The following FRA10AC1 variants were observed in gnomAD, a reference collection of about 807,000 sequenced individuals.
FRA10AC1 encodes the protein protein FRA10AC1.
Under a neutral mutation model 56.5 loss-of-function variants are expected in FRA10AC1, and 43 were observed. That is an observed-to-expected ratio of 0.76 (90% CI 0.60 to 0.98). The LOEUF is 0.98. Among genes scored for constraint, FRA10AC1 ranks in the 50% least tolerant of loss-of-function variants. The pLI, the probability that FRA10AC1 is intolerant of heterozygous loss-of-function variation, is 0.00. For synonymous variants in FRA10AC1, 112 were observed against 110.5 expected (o/e 1.01, Z -0.09); for missense variants, 346 against 351.8 (o/e 0.98, Z 0.13).
chr10:93,698,341 T>G lies in FRA10AC1; in HGVS notation c.133A>C (p.Lys45Gln). Residue 45 changes from lysine (K) to glutamine (Q), a missense_variant, in exon 3 of 14, where the codon AAG (lysine) becomes CAG (glutamine). Lys to Gln is a moderately conservative substitution (Grantham distance 53, BLOSUM62 1). Transcript: ENST00000359204. ...GCTGCAACTTGTTTATGGGCCACCT[T>G]TCCATGTTTTTCTTTCTGAAATGGT... ...QKPFQKEKHGKVAHKQVAAEL... is the reference protein window; with the variant it reads ...QKPFQKEKHGQVAHKQVAAEL... 1 of 1,612,154 alleles carries G rather than the reference T, an allele frequency of 6.2e-7. No homozygotes were observed. Among genetic ancestry groups the G allele is most frequent in the East Asian group, 2.2e-5 (1 of 44,772 alleles).
In FRA10AC1 at chr10:93,676,724, T is replaced by A. The variant is rs749282352; in HGVS notation, c.788-33A>T. On this transcript the variant is annotated intron_variant, in intron 11 of 13. Coordinates refer to ENST00000359204, the MANE Select transcript of FRA10AC1 (RefSeq NM_145246.5). ...GGAAACATCATTGATTTATTAACTA[T>A]CATCTTGTAATAGTGCAATCATTGT... 2.1e-5 allele frequency: 32 copies of A among 1,547,454 alleles called. No homozygotes were observed. In the South Asian group the frequency reaches 3.7e-4, roughly 18 times the overall value.
In FRA10AC1 at chr10:93,679,916, G is replaced by C. The variant is rs569457381; in HGVS notation, c.787+1564C>G. On this transcript the variant is annotated intron_variant, in intron 11 of 13. Transcript: ENST00000359204. ...GTGACAAATTAAACATAAATAATAA[G>C]GGGAAAGAAAGTATCAAGGATAATC... Among the ~76,000 whole-genome samples, 4 of 152,230 alleles carry C rather than the reference G, an allele frequency of 2.6e-5. No homozygotes were observed. The South Asian group carries it at 8.3e-4, about 32-fold the overall frequency.
At chr10:93,696,285 C>T (rs1343129317) in intron 4 of FRA10AC1, among the ~76,000 whole-genome samples, 2 of 152,174 alleles carry the variant, frequency 1.3e-5, no homozygotes, top group African/African-American at 2.4e-5. Context: ...GAAACACCAA[C>T]AGGCACGGAC....
At chr10:93,699,609 G>C (rs550575934) in intron 2 of FRA10AC1, among the ~76,000 whole-genome samples, 1 of 152,248 alleles carries the variant, frequency 6.6e-6, no homozygotes, top group South Asian at 2.1e-4. Context: ...TCACGTATGC[G>C]TAAGAACTGT....
In FRA10AC1 at chr10:93,670,772, T is replaced by C; in HGVS notation, c.903A>G (p.Ser301=). 1.3e-6 allele frequency: 2 copies of C among 1,597,732 alleles called. No homozygotes were observed. Among genetic ancestry groups the C allele is most frequent in the Non-Finnish European group, 1.7e-6 (2 of 1,165,612 alleles). Residue 301 remains serine (S), a splice_region_variant and synonymous_variant, in exon 13 of 14, where the codon TCA becomes TCG. Transcript: ENST00000359204. ...TCTCTATTAATATCAGCACTTACTG[T>C]GATTTTTCATCTGTCTCTGGTAGTG... ...KGPLPETDEK[S]QEEEFDEYFQ...
chr10:93,672,009 G>A, intron 12 of FRA10AC1: 1 of 429,708 alleles, frequency 2.3e-6, no homozygotes, highest in Middle Eastern at 3.4e-4. Context: ...TAAAAATACT[G>A]CAAAATTATC....
chr10:93,677,128 A>G (rs1359008864), intron 11 of FRA10AC1, among the ~76,000 whole-genome samples: 3 of 152,206 alleles, frequency 2.0e-5, no homozygotes, highest in South Asian at 2.1e-4. Flanking sequence ...TCAGAAACTG[A>G]TAAGAACACA....
At chr10:93,696,855 C>G (rs1216664110) in intron 4 of FRA10AC1, among the ~76,000 whole-genome samples, 12 of 152,156 alleles carry the variant, frequency 7.9e-5, no homozygotes. Context: ...AACACAGGAA[C>G]AGAAAACCAA....
chr10:93,692,519 T>G (rs1193963548), intron 6 of FRA10AC1, 127 bp downstream of exon 6: 1 of 632,142 alleles, frequency 1.6e-6, no homozygotes, highest in Non-Finnish European at 2.7e-6. Flanking sequence ...ATCCTAGGCT[T>G]GATTTTATGT....
chr10:93,698,276 T>C (rs552324060), intron 3 of FRA10AC1, 25 bp downstream of exon 3: 10 of 1,546,206 alleles, frequency 6.5e-6, no homozygotes, highest in Middle Eastern at 1.7e-4. Context: ...AACCAAGAAA[T>C]AGAATTGACA....
At position 93,669,248 on chromosome 10, in the gene FRA10AC1, C is replaced by T. The variant is rs1467190071; in HGVS notation, c.*578G>A. 1.3e-5 allele frequency: 2 copies of T among 152,106 alleles called. No homozygotes were observed. The highest frequency in any genetic ancestry group is 1.5e-5 in the Non-Finnish European group (1 of 68,044). 9.4% of individuals were successfully genotyped at this position (152,106 alleles called of 1,614,324 possible). On this transcript the variant is annotated 3_prime_UTR_variant, in exon 14 of 14. Coordinates refer to ENST00000359204, the MANE Select transcript of FRA10AC1 (RefSeq NM_145246.5). ...CAATGGGAAAGAAAGAAGTTAAAGACATACATAATATACTTTAATCCTAGT... is the reference window on the plus strand; with the variant it reads ...CAATGGGAAAGAAAGAAGTTAAAGATATACATAATATACTTTAATCCTAGT...
intron 11 of FRA10AC1, among the ~76,000 whole-genome samples, chr10:93,679,058 T>G (rs956254383): frequency 2.0e-5 from 3 of 152,124 alleles, no homozygotes; most frequent in Non-Finnish European, 4.4e-5. Context: ...TATTAAAGAG[T>G]TCCACATGGT....
chr10:93,678,659 T>C (rs1338772126), intron 11 of FRA10AC1, among the ~76,000 whole-genome samples: 1 of 151,954 alleles, frequency 6.6e-6, no homozygotes, highest in African/African-American at 2.4e-5. Context: ...CAAGACCCTG[T>C]CTCTGCAACA....
chr10:93,677,372 C>A (rs548592909), intron 11 of FRA10AC1, among the ~76,000 whole-genome samples: 1 of 152,220 alleles, frequency 6.6e-6, no homozygotes, highest in African/African-American at 2.4e-5. Context: ...GGATAGGAGG[C>A]CTCGTAACCC....
chr10:93,693,757 A>C (rs1004188205), intron 5 of FRA10AC1, among the ~76,000 whole-genome samples: 1 of 150,208 alleles, frequency 6.7e-6, no homozygotes, highest in Non-Finnish European at 1.5e-5. Context: ...AAAGGAATGA[A>C]ATGATGTCTT....
chr10:93,678,759 C>A (rs1200370196), intron 11 of FRA10AC1, among the ~76,000 whole-genome samples: 2 of 151,898 alleles, frequency 1.3e-5, no homozygotes, highest in East Asian at 3.9e-4. Flanking sequence ...ACATGGGCCT[C>A]CGAGGTTAAG....
At chr10:93,686,526 C>T (rs971523211) in intron 8 of FRA10AC1, among the ~76,000 whole-genome samples, 5 of 151,638 alleles carry the variant, frequency 3.3e-5, no homozygotes, top group Admixed American at 6.6e-5. Context: ...TAGATAAAAA[C>T]ATAAACTAAA....
chr10:93,681,659 C>T (rs954425235), intron 10 of FRA10AC1, 61 bp from the exon 11 acceptor site: 48 of 1,378,888 alleles, frequency 3.5e-5, no homozygotes, highest in Admixed American at 9.1e-5. Flanking sequence ...TCAAAAATAA[C>T]CATCATATGA....
intron 2 of FRA10AC1, 23 bp downstream of exon 2, chr10:93,700,007 A>T (rs180773346): frequency 1.5e-4 from 188 of 1,272,726 alleles, no homozygotes; most frequent in Admixed American, 1.4e-3. Flanking sequence ...TGAAAAATAG[A>T]TCAATAAAAA....
Sources: gnomAD v4.1 joint callset for allele counts (sites outside exome capture counted in the v4.1 genomes callset) on GRCh38, gnomAD v4.1.1 for gene constraint, MANE v1.5 for transcripts, NCBI Gene and HGNC (gene_info 2026-07-23, HGNC 2026-07-21) for gene names.